MTERF4: variants seen among roughly 807,000 people sequenced by gnomAD.
The protein encoded by MTERF4 is transcription termination factor 4, mitochondrial.
Under a neutral mutation model 22.5 loss-of-function variants are expected in MTERF4, and 17 were observed. That is an observed-to-expected ratio of 0.75 (90% CI 0.52 to 1.13). MTERF4 has a LOEUF of 1.13. MTERF4 is among the 50% of genes most tolerant of loss of function. The probability of loss-of-function intolerance (pLI) is 0.00; values close to 1 mark genes in which losing one functional copy is unlikely to be tolerated. For synonymous variants in MTERF4, 165 were observed against 175.3 expected (o/e 0.94, Z 0.47); for missense variants, 420 against 466.8 (o/e 0.90, Z 0.92).
chr2:241,096,567 C>A lies in MTERF4; in HGVS notation c.706-129G>T. ...TTGCCTAATTGACAACAGCGAATAC[C>A]CAGTCTAGGATACTGACATTTGTGT... On this transcript the variant is annotated intron_variant, in intron 3 of 3. Coordinates refer to ENST00000391980, the MANE Select transcript of MTERF4 (RefSeq NM_182501.4). This position sits in a 1 kb window ranked among gnomAD's most constrained non-coding sequence, Gnocchi z 5.1. 1 of 960,422 alleles carries A rather than the reference C, an allele frequency of 1.0e-6. No individual in the cohort carries two copies. Among genetic ancestry groups the A allele is most frequent in the Admixed American group, 1.9e-5 (1 of 51,828 alleles). 59.5% of individuals were successfully genotyped at this position (960,422 alleles called of 1,614,324 possible).
chr2:241,086,096 AC>A (rs925479498), downstream of MTERF4, among the ~76,000 whole-genome samples: 3 of 151,724 alleles, frequency 2.0e-5, no homozygotes, highest in African/African-American at 7.3e-5. Flanking sequence ...CAAACTCCTG[AC>A]CTCAAGTGAT....
At chr2:241,042,970 G>A in the MTERF4 span, among the ~76,000 whole-genome samples, 1 of 151,944 alleles carries the variant, frequency 6.6e-6, no homozygotes, top group African/African-American at 2.4e-5. Flanking sequence ...CTGTGAAGGA[G>A]GATGAAGAAC....
the MTERF4 span, among the ~76,000 whole-genome samples, chr2:241,060,431 C>T: frequency 6.6e-6 from 1 of 152,174 alleles, no homozygotes; most frequent in South Asian, 2.1e-4. Context: ...GATCCACCCG[C>T]CTTGGGCTCC....
chr2:241,081,767 G>A, intron 4 of MTERF4: 1 of 1,600,046 alleles, frequency 6.2e-7, no homozygotes, highest in Non-Finnish European at 8.5e-7. Flanking sequence ...TGCGGGCCAG[G>A]GTTCAAAGGC....
At chr2:241,049,176 G>T in the MTERF4 span, 1 of 1,504,704 alleles carries the variant, frequency 6.6e-7, no homozygotes, top group South Asian at 1.2e-5. Flanking sequence ...CGGGGGCCCG[G>T]ACAGAAGCCA....
the MTERF4 span, among the ~76,000 whole-genome samples, chr2:241,050,590 G>T: frequency 1.3e-5 from 2 of 152,324 alleles, no homozygotes; most frequent in South Asian, 4.1e-4. Flanking sequence ...GTCCCTGAGG[G>T]AAAGACCCTG....
At chr2:241,057,302 C>A in the MTERF4 span, among the ~76,000 whole-genome samples, 1 of 150,816 alleles carries the variant, frequency 6.6e-6, no homozygotes, top group African/African-American at 2.5e-5. Flanking sequence ...TTGCTTGAAC[C>A]TCGGAGGCGG....
chr2:241,068,022 T>C, downstream of MTERF4: 1 of 1,351,950 alleles, frequency 7.4e-7, no homozygotes, highest in South Asian at 1.3e-5. The surrounding 1 kb of genome is among the most constrained non-coding windows in gnomAD (Gnocchi z 5.3). Context: ...GGCCCAGGTC[T>C]CGGGCACATT....
intron 2 of MTERF4, chr2:241,099,084 T>C (rs1291884373): frequency 1.1e-5 from 2 of 188,672 alleles, no homozygotes; most frequent in African/African-American, 6.9e-5. Context: ...ATAAAATCTT[T>C]TTTTTTTTTT....
At chr2:241,089,937 A>C, downstream of MTERF4, 8 of 1,537,810 alleles carry the variant, frequency 5.2e-6, no homozygotes, top group Non-Finnish European at 7.0e-6. Context: ...AAACGTAGAA[A>C]ACCTACAGTA....
chr2:241,077,004 G>A lies in MTERF4; in HGVS notation n.480-1322C>T, dbSNP rs568161264. On this transcript the variant is annotated intron_variant and non_coding_transcript_variant, in intron 4 of 4. Transcript: ENST00000464344. ...TGAGGCAGGAGAATGGCGTGAACCC[G>A]GGAGGTGGAGCTTGCAGTGAGCTGA... Among the ~76,000 whole-genome samples the A allele has an allele frequency of 9.7e-3, 1,475 of 152,152 alleles. 21 individuals carry two copies. The highest frequency in any genetic ancestry group is 0.033 in the African/African-American group (1,360 of 41,508).
At chr2:241,056,579 A>ATTTTTT in the MTERF4 span, among the ~76,000 whole-genome samples, 139 of 87,690 alleles carry the variant, frequency 1.6e-3, no homozygotes, top group African/African-American at 8.0e-3. Context: ...GAATAAGTGA[A>ATTTTTT]ATTTTTTTTT....
downstream of MTERF4, chr2:241,087,091 A>G (rs2063620469): frequency 3.2e-6 from 1 of 311,002 alleles, no homozygotes; most frequent in Non-Finnish European, 5.8e-6. Context: ...TAGCACTGAC[A>G]TGTCTTTGAC....
At chr2:241,081,497 A>G (rs1559309264) in intron 4 of MTERF4, among the ~76,000 whole-genome samples, 1 of 152,116 alleles carries the variant, frequency 6.6e-6, no homozygotes, top group Non-Finnish European at 1.5e-5. Flanking sequence ...GCTCTCTCTC[A>G]ACACCTGAAC....
At chr2:241,071,011 C>T (rs2062685624), downstream of MTERF4, among the ~76,000 whole-genome samples, 1 of 152,174 alleles carries the variant, frequency 6.6e-6, no homozygotes, top group East Asian at 1.9e-4. Context: ...CAGCTTGGGG[C>T]CAAGCCCACC....
chr2:241,047,030 C>A, the MTERF4 span, among the ~76,000 whole-genome samples: 1 of 151,466 alleles, frequency 6.6e-6, no homozygotes, highest in Admixed American at 6.6e-5. Context: ...ATAATCCCAG[C>A]TACTCGGGAA....
At chr2:241,098,331 T>A (rs1032359025) in intron 2 of MTERF4, among the ~76,000 whole-genome samples, 7 of 152,244 alleles carry the variant, frequency 4.6e-5, no homozygotes, top group African/African-American at 1.7e-4. Context: ...TCTTATCTTC[T>A]AGAGAAGGAG....
At chr2:241,061,650 G>T in the MTERF4 span, among the ~76,000 whole-genome samples, 1 of 152,136 alleles carries the variant, frequency 6.6e-6, no homozygotes, top group Non-Finnish European at 1.5e-5. Flanking sequence ...ACTTTGGGAG[G>T]CTGAGGCAGG....
chr2:241,047,136 G>A, the MTERF4 span, among the ~76,000 whole-genome samples: 47 of 127,562 alleles, frequency 3.7e-4, no homozygotes, highest in African/African-American at 1.3e-3. Flanking sequence ...GCAAGAGAGC[G>A]AGACTCTGTC....
Sources: gnomAD v4.1 joint callset for allele counts (sites outside exome capture counted in the v4.1 genomes callset) on GRCh38, gnomAD v4.1.1 for gene constraint, Gnocchi (gnomAD v3.1) non-coding constraint, MANE v1.5 for transcripts, NCBI Gene and HGNC (gene_info 2026-07-23, HGNC 2026-07-21) for gene names.